The following PDE10A variants were observed in gnomAD, a reference collection of about 807,000 sequenced individuals.
PDE10A encodes the protein cAMP and cAMP-inhibited cGMP 3',5'-cyclic phosphodiesterase 10A.
Under a neutral mutation model 97.7 loss-of-function variants are expected in PDE10A, and 39 were observed. The observed-to-expected ratio is 0.40, with a 90% CI of 0.31 to 0.52. The LOEUF is 0.52. PDE10A is among the 20% of genes least tolerant of loss of function. The pLI, the probability that PDE10A is intolerant of heterozygous loss-of-function variation, is 0.56. For synonymous variants in PDE10A, 371 were observed against 376.8 expected (o/e 0.98, Z 0.18); for missense variants, 731 against 1,047.8 (o/e 0.70, Z 4.17).
At position 165,662,917 on chromosome 6, in the gene PDE10A, G is replaced by A. The variant is rs1316409817; in HGVS notation, c.-106C>T. On this transcript the variant is annotated 5_prime_UTR_variant, in exon 1 of 22. Transcript: ENST00000539869. ...CAGGACCTGCCCACCCCTGCCGGCCGCCCGAACCGCTGCCTGGTCCTCCTC... is the reference window on the plus strand; with the variant it reads ...CAGGACCTGCCCACCCCTGCCGGCCACCCGAACCGCTGCCTGGTCCTCCTC... Among the ~76,000 whole-genome samples the A allele has an allele frequency of 1.3e-5, 2 of 151,124 alleles. No individual in the cohort carries two copies. Among genetic ancestry groups the A allele is most frequent in the East Asian group, 4.0e-4 (2 of 5,008 alleles).
rs1386563930 is a variant in PDE10A at position 165,900,926 on chromosome 6, T to A, written c.-615+86603A>T. Among the ~76,000 whole-genome samples the A allele has an allele frequency of 2.0e-5, 3 of 152,162 alleles. No homozygotes were observed. The South Asian group carries it at 6.2e-4, about 32-fold the overall frequency. ...CCCTGACTGAAGCCAGGAGCAAGTT[T>A]GTGTTTAAAACCAGACCTGGGCACT... On this transcript the variant is annotated intron_variant, in intron 1 of 19. Transcript: ENST00000366882.
chr6:165,559,189 G>T (rs2128336327), intron 1 of PDE10A, among the ~76,000 whole-genome samples: 1 of 152,250 alleles, frequency 6.6e-6, no homozygotes, highest in African/African-American at 2.4e-5. Flanking sequence ...TCATGGAAAA[G>T]AAAATTGTTT....
In PDE10A at chr6:165,360,816, T is replaced by G. The variant is rs144938869; in HGVS notation, c.2784-17314A>C. Among the ~76,000 whole-genome samples, 4 of 152,236 alleles carry G rather than the reference T, an allele frequency of 2.6e-5. No homozygotes were observed. In the East Asian group the frequency reaches 7.7e-4, roughly 29 times the overall value. On this transcript the variant is annotated intron_variant, in intron 18 of 21. Coordinates refer to ENST00000539869, the MANE Select transcript of PDE10A (RefSeq NM_001385079.1). The stretch of plus-strand genomic sequence containing the variant: ...GCTGTTGGAACTTAAGAGTAGGGTG[T>G]GGGTCAGGAAAAGAGACAGTCAAAG...
chr6:165,431,434 T>C lies in PDE10A; in HGVS notation c.1530A>G (p.Ile510Met), dbSNP rs1383715367. The C allele has an allele frequency of 6.3e-7, 1 of 1,599,812 alleles. No homozygotes were observed. Residue 510 changes from isoleucine to methionine, a missense_variant, in exon 8 of 22, where the codon ATA (isoleucine) becomes ATG (methionine). Ile to Met is a conservative substitution (Grantham distance 10). Transcript: ENST00000539869. Reference sequence around the variant, plus strand: ...CCCAAAGACTCACCTGCACCTGATGTATTGCTACTGAAGCCCAGGCAAGAT... The same window carrying C: ...CCCAAAGACTCACCTGCACCTGATGCATTGCTACTGAAGCCCAGGCAAGAT... ...TANLAWASVAIHQVQVCRGLA... is the reference protein window; with the variant it reads ...TANLAWASVAMHQVQVCRGLA...
chr6:165,535,386 C>A (rs1162844204), intron 2 of PDE10A, among the ~76,000 whole-genome samples: 2 of 151,734 alleles, frequency 1.3e-5, no homozygotes, highest in East Asian at 3.9e-4. Context: ...AATCTTCCAC[C>A]CTTCCACATA....
At chr6:165,764,824 C>G (rs1017125744) in intron 1 of PDE10A, among the ~76,000 whole-genome samples, 1 of 152,150 alleles carries the variant, frequency 6.6e-6, no homozygotes, top group Non-Finnish European at 1.5e-5. Flanking sequence ...GAAGGGGACC[C>G]GAGCGGGTTG....
chr6:165,714,026 G>A (rs1397203960), intron 1 of PDE10A, among the ~76,000 whole-genome samples: 3 of 152,224 alleles, frequency 2.0e-5, no homozygotes, highest in Non-Finnish European at 4.4e-5. Flanking sequence ...GAGGGCAGCT[G>A]TGTGAGCTCT....
chr6:165,457,618 G>A (rs1778037322), intron 3 of PDE10A, among the ~76,000 whole-genome samples: 1 of 152,090 alleles, frequency 6.6e-6, no homozygotes, highest in African/African-American at 2.4e-5. Context: ...ATGCCACTGT[G>A]TTTCCCATGA....
chr6:165,863,844 A>G (rs1171105573), intron 1 of PDE10A, among the ~76,000 whole-genome samples: 1 of 152,220 alleles, frequency 6.6e-6, no homozygotes, highest in Non-Finnish European at 1.5e-5. Context: ...GATAAGATAA[A>G]CTTTCTTGAA....
intron 1 of PDE10A, among the ~76,000 whole-genome samples, chr6:165,590,611 G>A (rs1170523137): frequency 1.3e-5 from 2 of 152,126 alleles, no homozygotes; most frequent in Admixed American, 1.3e-4. Context: ...ACTTAAGATG[G>A]TCAGGCACAG....
upstream of PDE10A, among the ~76,000 whole-genome samples, chr6:165,665,890 C>G (rs895215250): frequency 2.0e-5 from 3 of 152,178 alleles, no homozygotes; most frequent in African/African-American, 7.2e-5. Flanking sequence ...ATTCTCCAAA[C>G]ATTCTTCTAT....
intron 1 of PDE10A, among the ~76,000 whole-genome samples, chr6:165,576,008 G>A (rs546508801): frequency 1.5e-4 from 23 of 152,254 alleles, no homozygotes; most frequent in African/African-American, 4.6e-4. Context: ...TAACTAATCC[G>A]TTAGTTTCTT....
chr6:165,626,054 A>G (rs1788371408), intron 1 of PDE10A, among the ~76,000 whole-genome samples: 2 of 152,162 alleles, frequency 1.3e-5, no homozygotes, highest in Middle Eastern at 3.2e-3. Context: ...AGAGATTGAG[A>G]GGATGAAGTG....
chr6:165,937,229 A>C (rs1783362480), intron 1 of PDE10A, among the ~76,000 whole-genome samples: 1 of 152,226 alleles, frequency 6.6e-6, no homozygotes, highest in African/African-American at 2.4e-5. Context: ...TCTAATCCTG[A>C]ATATGGAAGG....
At chr6:165,785,305 T>TC (rs1369917669) in intron 1 of PDE10A, among the ~76,000 whole-genome samples, 2 of 152,170 alleles carry the variant, frequency 1.3e-5, no homozygotes, top group Non-Finnish European at 2.9e-5. Context: ...TTCTCATTTT[T>TC]CCCCATATAC....
chr6:165,548,015 A>G (rs1330407512), intron 1 of PDE10A, among the ~76,000 whole-genome samples: 1 of 152,144 alleles, frequency 6.6e-6, no homozygotes, highest in East Asian at 1.9e-4. Context: ...CTTTTATCAA[A>G]TCACACCAAA....
intron 3 of PDE10A, among the ~76,000 whole-genome samples, chr6:165,478,025 G>A (rs571019212): frequency 5.9e-5 from 9 of 152,104 alleles, no homozygotes; most frequent in South Asian, 4.2e-4. Context: ...CTACTCCCAC[G>A]GCCTTAAACA....
chr6:165,544,862 T>G (rs149198451), intron 1 of PDE10A, among the ~76,000 whole-genome samples: 1 of 151,804 alleles, frequency 6.6e-6, no homozygotes, highest in Non-Finnish European at 1.5e-5. Flanking sequence ...CAAATAGAGT[T>G]GTATAAGACA....
intron 10 of PDE10A, among the ~76,000 whole-genome samples, chr6:165,425,642 A>C (rs1789072794): frequency 6.6e-6 from 1 of 152,132 alleles, no homozygotes; most frequent in Non-Finnish European, 1.5e-5. Context: ...GAAAGTCCAC[A>C]CTTTGCCACT....
Sources: allele counts gnomAD v4.1 joint callset (sites outside exome capture counted in the v4.1 genomes callset), GRCh38; gene constraint gnomAD v4.1.1; transcripts MANE v1.5; gene names NCBI Gene and HGNC (gene_info 2026-07-23, HGNC 2026-07-21).